Variants in ADARB2 observed in about 807,000 individuals in gnomAD.
ADARB2 encodes the protein inactive double-stranded RNA-specific editase B2.
In ADARB2, 25 loss-of-function variants were observed where a neutral mutation model predicts 62.2. That is an observed-to-expected ratio of 0.40 (90% confidence interval 0.29 to 0.56). ADARB2 has a LOEUF of 0.56. Ranked by LOEUF, ADARB2 falls within the 20% of genes least tolerant of loss-of-function variation. The pLI, the probability that ADARB2 is intolerant of heterozygous loss-of-function variation, is 0.43. For missense variants in ADARB2, 1,071 were observed against 1,077.4 expected (o/e 0.99, Z 0.08); for synonymous variants, 572 against 500.8 (o/e 1.14, Z -1.90).
At chr10:1,311,987 G>A (rs1192390216) in intron 3 of ADARB2, among the ~76,000 whole-genome samples, 3 of 152,220 alleles carry the variant, frequency 2.0e-5, no homozygotes, top group African/African-American at 2.4e-5. Flanking sequence ...ACTCAGGATG[G>A]AATCTTTAAT....
chr10:1,358,887 G>C (rs1832222560), intron 3 of ADARB2, among the ~76,000 whole-genome samples: 1 of 151,478 alleles, frequency 6.6e-6, no homozygotes, highest in African/African-American at 2.4e-5. Flanking sequence ...GCACACAGGT[G>C]ACTTTTACTG....
At chr10:1,565,174 G>A (rs1588304756) in intron 1 of ADARB2, among the ~76,000 whole-genome samples, 1 of 152,230 alleles carries the variant, frequency 6.6e-6, no homozygotes, top group Non-Finnish European at 1.5e-5. Flanking sequence ...GCTCTGGCCT[G>A]TAATTTGCCC....
intron 6 of ADARB2, among the ~76,000 whole-genome samples, chr10:1,231,327 G>A (rs986207839): frequency 1.3e-5 from 2 of 152,202 alleles, no homozygotes; most frequent in East Asian, 3.8e-4. Context: ...GCTGTCCAAT[G>A]GACCAGATTT....
intron 1 of ADARB2, among the ~76,000 whole-genome samples, chr10:1,442,845 G>A (rs1830922046): frequency 6.6e-6 from 1 of 152,074 alleles, no homozygotes; most frequent in Admixed American, 6.6e-5. Context: ...AGATGCTCGA[G>A]GGGTATGACC....
intron 5 of ADARB2, 134 bp from the exon 6 acceptor site, chr10:1,233,979 T>C (rs1425501454): frequency 3.2e-6 from 3 of 925,368 alleles, no homozygotes; most frequent in Non-Finnish European, 4.1e-6. Context: ...TTTTTTTTCC[T>C]TTTTTTTTTG....
rs1365903017 is a variant in ADARB2 at position 1,220,084 on chromosome 10, GTGGTAA to G, written c.1514-2971_1514-2966del. 6.3e-4 allele frequency among the ~76,000 whole-genome samples: 82 copies of G among 129,232 alleles called. 1 individual carries two copies. Among genetic ancestry groups the G allele is most frequent in the African/African-American group, 1.8e-3 (63 of 34,196 alleles). The allele number at this position is 129,232 out of a possible 152,430, so 84.8% of individuals were successfully genotyped here. Reference sequence around the variant, plus strand: ...GGTGATGATGGTGATGGTGATGATGGTGGTAATGGTGATGGTGGTGGTGGTGATGAT... The same window carrying G: ...GGTGATGATGGTGATGGTGATGATGGTGGTGATGGTGGTGGTGGTGATGAT... On this transcript the variant is annotated intron_variant, in intron 6 of 9. Transcript: ENST00000381312.
intron 1 of ADARB2, among the ~76,000 whole-genome samples, chr10:1,578,975 G>A (rs1032139575): frequency 1.2e-4 from 18 of 152,162 alleles, no homozygotes; most frequent in Non-Finnish European, 2.5e-4. Flanking sequence ...GGCAGAGGTG[G>A]GCAGGGACCA....
intron 1 of ADARB2, among the ~76,000 whole-genome samples, chr10:1,514,178 A>AATATATATATATATATATAT (rs61671460): frequency 0.029 from 2,687 of 93,954 alleles, 319 homozygotes; most frequent in Admixed American, 0.074. Flanking sequence ...GCTGTCTCAA[A>AATATATATATATATATATAT]ATATATATAT....
intron 1 of ADARB2, among the ~76,000 whole-genome samples, chr10:1,609,417 G>A (rs867348661): frequency 1.3e-5 from 2 of 152,332 alleles, no homozygotes; most frequent in African/African-American, 4.8e-5. Context: ...ACCCCCACCT[G>A]CCAGCCCTGT....
intron 1 of ADARB2, among the ~76,000 whole-genome samples, chr10:1,709,260 T>C (rs550847232): frequency 6.6e-6 from 1 of 152,314 alleles, no homozygotes; most frequent in Admixed American, 6.5e-5. Context: ...ACACAGCTAA[T>C]TAATAACACA....
chr10:1,258,856 G>C (rs1389515514), intron 4 of ADARB2, among the ~76,000 whole-genome samples: 1 of 152,146 alleles, frequency 6.6e-6, no homozygotes, highest in Non-Finnish European at 1.5e-5. Flanking sequence ...ATTGTTTTCA[G>C]CATCACACCA....
At chr10:1,690,702 G>A (rs948152826) in intron 1 of ADARB2, among the ~76,000 whole-genome samples, 1 of 152,156 alleles carries the variant, frequency 6.6e-6, no homozygotes, top group South Asian at 2.1e-4. Context: ...CCCACGTCGA[G>A]GAAGCCCAAG....
chr10:1,335,980 T>C (rs1831971933), intron 3 of ADARB2, among the ~76,000 whole-genome samples: 1 of 152,278 alleles, frequency 6.6e-6, no homozygotes, highest in South Asian at 2.1e-4. Context: ...TAGCATGTTT[T>C]CATATTTCTT....
At chr10:1,513,295 A>G (rs1245967262) in intron 1 of ADARB2, among the ~76,000 whole-genome samples, 1 of 152,248 alleles carries the variant, frequency 6.6e-6, no homozygotes, top group South Asian at 2.1e-4. Context: ...CATTAATGAC[A>G]AAGCGTAACT....
intron 3 of ADARB2, among the ~76,000 whole-genome samples, chr10:1,348,212 A>G (rs1279516321): frequency 2.0e-5 from 3 of 152,124 alleles, no homozygotes; most frequent in Non-Finnish European, 4.4e-5. Context: ...CATGGGAGGA[A>G]CATTTCCCTG....
rs1588330151 is a variant in ADARB2 at position 1,629,578 on chromosome 10, G to A, written c.100+107473C>T. On this transcript the variant is annotated intron_variant, in intron 1 of 9. Coordinates refer to ENST00000381312, the MANE Select transcript of ADARB2 (RefSeq NM_018702.4). ...AGCACCCAACCCCCCCAGCACTCAA[G>A]CCCCTCAGGTCGTCACAAAGGCCGG... 3.2e-5 allele frequency among the ~76,000 whole-genome samples: 3 copies of A among 95,186 alleles called. No homozygotes were observed. The South Asian group carries it at 9.4e-4, about 30-fold the overall frequency. The allele number at this position is 95,186 out of a possible 152,430, so 62.4% of individuals were successfully genotyped here. A position where few individuals can be genotyped will look rare whatever the true frequency, so the allele number is the denominator to read the frequency against.
At chr10:1,691,657 T>C (rs1346592655) in intron 1 of ADARB2, among the ~76,000 whole-genome samples, 1 of 152,212 alleles carries the variant, frequency 6.6e-6, no homozygotes, top group Non-Finnish European at 1.5e-5. Context: ...CTTTTCACTG[T>C]GGCTCCTAGA....
chr10:1,478,194 G>A lies in ADARB2; in HGVS notation c.101-99034C>T, dbSNP rs181317892. Among the ~76,000 whole-genome samples the A allele has an allele frequency of 2.3e-3, 345 of 152,314 alleles. 1 individual carries two copies. Among genetic ancestry groups the A allele is most frequent in the Middle Eastern group, 6.8e-3 (2 of 294 alleles). ...TGTGCAGTGTCTTAGGAAGTACATA[G>A]CATTCAGGCGTGATGTTATTCTCTT... On this transcript the variant is annotated intron_variant, in intron 1 of 9. Coordinates refer to ENST00000381312, the MANE Select transcript of ADARB2 (RefSeq NM_018702.4).
chr10:1,284,761 G>T (rs993798701), intron 3 of ADARB2, among the ~76,000 whole-genome samples: 1 of 152,174 alleles, frequency 6.6e-6, no homozygotes, highest in African/African-American at 2.4e-5. Context: ...TTCCCAGAAG[G>T]TCTCGGAAAA....
Sources: allele counts gnomAD v4.1 joint callset (sites outside exome capture counted in the v4.1 genomes callset), GRCh38; gene constraint gnomAD v4.1.1; transcripts MANE v1.5; gene names NCBI Gene and HGNC (gene_info 2026-07-23, HGNC 2026-07-21).